ITGA8: variants seen among roughly 807,000 people sequenced by gnomAD.
The protein encoded by ITGA8 is integrin subunit alpha 8.
Under a neutral mutation model 142.3 loss-of-function variants are expected in ITGA8, and 91 were observed. The ratio of observed to expected loss-of-function variants is 0.64; its 90% CI spans 0.54 to 0.76. ITGA8 has a LOEUF of 0.76. Among genes scored for constraint, ITGA8 ranks in the 30% least tolerant of loss-of-function variants. The probability of loss-of-function intolerance (pLI) is 0.00; values close to 1 mark genes in which losing one functional copy is unlikely to be tolerated. For synonymous variants in ITGA8, 505 were observed against 485.2 expected (o/e 1.04, Z -0.54); for missense variants, 1,406 against 1,327.7 (o/e 1.06, Z -0.92).
At chr10:15,601,886 A>G (rs1833110485) in intron 20 of ITGA8, among the ~76,000 whole-genome samples, 1 of 152,264 alleles carries the variant, frequency 6.6e-6, no homozygotes, top group Non-Finnish European at 1.5e-5. Flanking sequence ...ACTGTTTCCA[A>G]ACAAGGAAGA....
intron 23 of ITGA8, among the ~76,000 whole-genome samples, chr10:15,576,241 C>A (rs749290332): frequency 3.9e-5 from 6 of 151,986 alleles, no homozygotes; most frequent in Admixed American, 6.6e-5. Context: ...TTATAGATAT[C>A]TCAAGTGTGA....
At chr10:15,687,881 C>A in intron 3 of ITGA8, 57 bp downstream of exon 3, 1 of 1,010,460 alleles carries the variant, frequency 9.9e-7, no homozygotes, top group Non-Finnish European at 1.6e-6. Context: ...AGCTTGAAAA[C>A]ATTCCAGTGC....
At position 15,549,201 on chromosome 10, in the gene ITGA8, G is replaced by GTTTTTTTTTTTTTTTTTTTTTTT. The variant is rs67683436; in HGVS notation, c.2767-656_2767-634dup. 4.8e-4 allele frequency among the ~76,000 whole-genome samples: 52 copies of GTTTTTTTTTTTTTTTTTTTTTTT among 107,306 alleles called. 4 individuals are homozygous for GTTTTTTTTTTTTTTTTTTTTTTT. The highest frequency in any genetic ancestry group is 5.9e-4 in the Non-Finnish European group (34 of 57,926). 70.4% of individuals were successfully genotyped at this position (107,306 alleles called of 152,430 possible). A position where few individuals can be genotyped will look rare whatever the true frequency, so the allele number is the denominator to read the frequency against. Reference sequence around the variant, plus strand: ...TTCTTTCTTTTTTCTTTTCTTTTCTGTTTTTTTTTTTTTTTTTTTTTTTTT... The same window carrying GTTTTTTTTTTTTTTTTTTTTTTT: ...TTCTTTCTTTTTTCTTTTCTTTTCTGTTTTTTTTTTTTTTTTTTTTTTTTTTTTTTTTTTTTTTTTTTTTTTTT... On this transcript the variant is annotated intron_variant, in intron 26 of 29. Transcript: ENST00000378076.
chr10:15,654,985 C>A (rs577539859), intron 11 of ITGA8, among the ~76,000 whole-genome samples: 1 of 152,066 alleles, frequency 6.6e-6, no homozygotes, highest in African/African-American at 2.4e-5. Context: ...CTTAAAAATC[C>A]GTTTATGTGC....
Position 15,684,118 on chromosome 10 carries a change from G to T in ITGA8, c.454C>A (p.Pro152Thr), listed in dbSNP as rs1834793089. Residue 152 changes from proline to threonine, a missense_variant, in exon 4 of 30, where the codon CCT becomes ACT. Physicochemically the swap from Pro to Thr is conservative, Grantham distance 38. Transcript: ENST00000378076. ...TTAAGAGTTCTCCAGTGATATAAAG[G>T]AGCACAGGCCTAGGAAACATCAAAG... Reference protein sequence around the residue: ...AHKGKVVACAPLYHWRTLKPT... With the variant: ...AHKGKVVACATLYHWRTLKPT... 1 of 1,613,942 alleles carries T rather than the reference G, an allele frequency of 6.2e-7. No homozygotes were observed. Among genetic ancestry groups the T allele is most frequent in the East Asian group, 2.2e-5 (1 of 44,872 alleles).
chr10:15,668,829 A>T (rs183260555), intron 8 of ITGA8, among the ~76,000 whole-genome samples: 1 of 152,318 alleles, frequency 6.6e-6, no homozygotes, highest in African/African-American at 2.4e-5. Context: ...CTTTTCTTTA[A>T]GAATGTTGAC....
chr10:15,717,779 G>T (rs1835480340), intron 2 of ITGA8, among the ~76,000 whole-genome samples: 1 of 152,072 alleles, frequency 6.6e-6, no homozygotes, highest in Admixed American at 6.5e-5. Context: ...TAACATAAAA[G>T]ATACAAATTA....
chr10:15,713,232 G>A (rs942483579), intron 2 of ITGA8, among the ~76,000 whole-genome samples: 2 of 152,192 alleles, frequency 1.3e-5, no homozygotes, highest in African/African-American at 4.8e-5. Context: ...ATTGCTTCTA[G>A]AATAATAAGT....
At chr10:15,621,685 T>C (rs374160283) in intron 13 of ITGA8, among the ~76,000 whole-genome samples, 8 of 151,744 alleles carry the variant, frequency 5.3e-5, no homozygotes, top group African/African-American at 1.7e-4. Flanking sequence ...AAGGGGAAGA[T>C]GAGGAAGAGC....
Position 15,535,816 on chromosome 10 carries a change from T to A in ITGA8, c.2881-4665A>T, listed in dbSNP as rs528977196. Among the ~76,000 whole-genome samples, 3 of 152,184 alleles carry A rather than the reference T, an allele frequency of 2.0e-5. No homozygotes were observed. In the East Asian group the frequency reaches 5.8e-4, roughly 29 times the overall value. Reference sequence around the variant, plus strand: ...GTCCCCTTCCACACTGTGGCAGGTTTGTTCTTTTGCTGTTTGCAATAAATC... The same window carrying A: ...GTCCCCTTCCACACTGTGGCAGGTTAGTTCTTTTGCTGTTTGCAATAAATC... On this transcript the variant is annotated intron_variant, in intron 27 of 29. Transcript: ENST00000378076.
chr10:15,634,244 A>G (rs1016604622), intron 13 of ITGA8, among the ~76,000 whole-genome samples: 6 of 152,074 alleles, frequency 3.9e-5, no homozygotes, highest in African/African-American at 1.4e-4. Flanking sequence ...TGGATGTTTT[A>G]TCTCCACAAT....
At position 15,584,296 on chromosome 10, in the gene ITGA8, AAAAAGAAAAGAAAAG is replaced by A. The variant is rs61145722; in HGVS notation, c.2372+2273_2372+2287del. The stretch of plus-strand genomic sequence containing the variant: ...TGGGTGATGCAGCGAGACTGTCAAG[AAAAAGAAAAGAAAAG>A]AAAAGAAAAGAAATATGTGCAAAAA... On this transcript the variant is annotated intron_variant, in intron 23 of 29. Coordinates refer to ENST00000378076, the MANE Select transcript of ITGA8 (RefSeq NM_003638.3). Among the ~76,000 whole-genome samples the A allele has an allele frequency of 5.6e-5, 5 of 89,408 alleles. No homozygotes were observed. In the South Asian group the frequency reaches 1.6e-3, roughly 28 times the overall value. 58.7% of individuals were successfully genotyped at this position (89,408 alleles called of 152,430 possible). A position where few individuals can be genotyped will look rare whatever the true frequency, so the allele number is the denominator to read the frequency against.
intron 2 of ITGA8, among the ~76,000 whole-genome samples, chr10:15,698,338 T>G (rs1403603966): frequency 6.6e-6 from 1 of 152,206 alleles, no homozygotes; most frequent in African/African-American, 2.4e-5. Flanking sequence ...TGGTTCCATA[T>G]TTTTGAAATT....
In ITGA8 at chr10:15,678,564, A is replaced by AT. The variant is rs1834676079; in HGVS notation, c.630+157dup. Among the ~76,000 whole-genome samples, 6 of 152,222 alleles carry AT rather than the reference A, an allele frequency of 3.9e-5. No homozygotes were observed. In the South Asian group the frequency reaches 1.0e-3, roughly 26 times the overall value. On this transcript the variant is annotated intron_variant, in intron 5 of 29. Coordinates refer to ENST00000378076, the MANE Select transcript of ITGA8 (RefSeq NM_003638.3). ...ATAAAAATAAAAAGTGAATGGAAAA[A>AT]TTTTTTTAGAAAGCATTTGCCCAAA... is the stretch of plus-strand genomic sequence containing the variant.
rs1833152458 is a variant in ITGA8 at position 15,604,215 on chromosome 10, T to C, written c.2111A>G (p.Asn704Ser). 6.2e-7 allele frequency: 1 copy of C among 1,609,896 alleles called. No individual in the cohort carries two copies. The highest frequency in any genetic ancestry group is 1.3e-5 in the African/African-American group (1 of 74,732). ...ACAATTTGCAGGCATTACCTTGTTG[T>C]TGCGTTCGATTCCAACATAATCTGC... The part of the protein sequence containing the change: ...EEADYVGIER[N>S]NKGFRPLSCE... The change falls in exon 20 of 30, where the codon AAC (asparagine) becomes AGC (serine). Residue 704 changes from asparagine to serine, a missense_variant. By Grantham distance (46) the Asn-to-Ser change is conservative. Transcript: ENST00000378076.
intron 2 of ITGA8, among the ~76,000 whole-genome samples, chr10:15,697,135 A>G (rs918162296): frequency 2.0e-5 from 3 of 152,092 alleles, no homozygotes; most frequent in African/African-American, 7.2e-5. Flanking sequence ...GTTTATAAAT[A>G]AGGGACTCAA....
rs879395118 is a variant in ITGA8, at chr10:15,515,814, T to G, written c.*1344A>C. On this transcript the variant is annotated 3_prime_UTR_variant, in exon 30 of 30. Coordinates refer to ENST00000378076, the MANE Select transcript of ITGA8 (RefSeq NM_003638.3). ...AAGATTATGAATTATTTACAAGAGT[T>G]TTAAACATAAAAAATTTGTGATGGT... 9 of 152,142 alleles carry G rather than the reference T, an allele frequency of 5.9e-5. No individual in the cohort carries two copies. Among genetic ancestry groups the G allele is most frequent in the Non-Finnish European group, 1.3e-4 (9 of 68,020 alleles). 9.4% of individuals were successfully genotyped at this position (152,142 alleles called of 1,614,324 possible). A position where few individuals can be genotyped will look rare whatever the true frequency, so the allele number is the denominator to read the frequency against.
chr10:15,569,679 G>A (rs117438645), intron 25 of ITGA8, among the ~76,000 whole-genome samples: 37 of 152,160 alleles, frequency 2.4e-4, no homozygotes, highest in Non-Finnish European at 4.9e-4. Context: ...TCAGCCTTCC[G>A]AGTAGCTACA....
chr10:15,530,853 A>G (rs775894778), intron 28 of ITGA8, among the ~76,000 whole-genome samples, 197 bp downstream of exon 28: 3 of 152,232 alleles, frequency 2.0e-5, no homozygotes, highest in Non-Finnish European at 2.9e-5. Context: ...TCTGGGGTAG[A>G]CATTTATATT....
Sources: gnomAD v4.1 joint callset for allele counts (sites outside exome capture counted in the v4.1 genomes callset) on GRCh38, gnomAD v4.1.1 for gene constraint, MANE v1.5 for transcripts, NCBI Gene and HGNC (gene_info 2026-07-23, HGNC 2026-07-21) for gene names.